GRM3: variants seen among roughly 807,000 people sequenced by gnomAD.
GRM3 encodes the protein glutamate metabotropic receptor 3, also known as metabotropic glutamate receptor 3.
GRM3 carries 26 observed loss-of-function variants against 70.5 expected under a neutral mutation model. The ratio of observed to expected loss-of-function variants is 0.37; its 90% confidence interval spans 0.27 to 0.51. GRM3 has a LOEUF of 0.51. Ranked by LOEUF, GRM3 falls within the 20% of genes least tolerant of loss-of-function variation. The probability of loss-of-function intolerance (pLI) is 0.93; values close to 1 mark genes in which losing one functional copy is unlikely to be tolerated. For synonymous variants in GRM3, 443 were observed against 434.9 expected (o/e 1.02, Z -0.23); for missense variants, 859 against 1,123.8 (o/e 0.76, Z 3.37).
intron 2 of GRM3, among the ~76,000 whole-genome samples, chr7:86,781,478 C>G (rs1373898734): frequency 6.6e-6 from 1 of 152,026 alleles, no homozygotes; most frequent in African/African-American, 2.4e-5. Flanking sequence ...CTTTCTTCAC[C>G]TGTGTAATTT....
intron 1 of GRM3, among the ~76,000 whole-genome samples, chr7:86,680,153 T>C (rs567367905): frequency 1.3e-5 from 2 of 152,202 alleles, no homozygotes; most frequent in East Asian, 1.9e-4. Context: ...CATGAGGTTC[T>C]AGAAATGAGC....
chr7:86,815,185 G>A (rs144054801), intron 3 of GRM3, among the ~76,000 whole-genome samples: 1 of 151,832 alleles, frequency 6.6e-6, no homozygotes, highest in Non-Finnish European at 1.5e-5. Context: ...AACAATTTGC[G>A]TCAAATGCAC....
intron 2 of GRM3, chr7:86,775,033 A>G (rs762330127): frequency 6.6e-6 from 1 of 152,172 alleles, no homozygotes; most frequent in Non-Finnish European, 1.5e-5. Context: ...TTGATCTAAA[A>G]TTAAATTAAA....
At chr7:86,744,473 C>T (rs940502616) in intron 1 of GRM3, among the ~76,000 whole-genome samples, 1 of 151,784 alleles carries the variant, frequency 6.6e-6, no homozygotes, top group Non-Finnish European at 1.5e-5. Context: ...CAAGACTAGG[C>T]CCCACCAAGA....
At chr7:86,706,053 T>G (rs1795050466) in intron 1 of GRM3, among the ~76,000 whole-genome samples, 1 of 111,652 alleles carries the variant, frequency 9.0e-6, no homozygotes, top group Admixed American at 8.3e-5. Context: ...ATCCATAGAC[T>G]ATTTGAATAG....
chr7:86,681,744 A>G (rs1266473820), intron 1 of GRM3, among the ~76,000 whole-genome samples: 1 of 152,142 alleles, frequency 6.6e-6, no homozygotes, highest in Non-Finnish European at 1.5e-5. Context: ...TCATACTCTT[A>G]TATTTCATCT....
intron 1 of GRM3, among the ~76,000 whole-genome samples, chr7:86,671,506 A>G (rs762762832): frequency 9.2e-5 from 14 of 152,162 alleles, no homozygotes; most frequent in South Asian, 2.1e-4. Context: ...TAAAATGCAT[A>G]TGTATTCCCA....
intron 1 of GRM3, among the ~76,000 whole-genome samples, chr7:86,746,374 T>TATATATATATATATATAA (rs71524681): frequency 1.5e-5 from 2 of 132,978 alleles, no homozygotes; most frequent in African/African-American, 5.5e-5. Context: ...TATATATATA[T>TATATATATATATATATAA]AATCACTTCA....
intron 1 of GRM3, among the ~76,000 whole-genome samples, chr7:86,707,980 C>G (rs1308887613): frequency 6.6e-6 from 1 of 152,068 alleles, no homozygotes; most frequent in Non-Finnish European, 1.5e-5. Context: ...AAATGAGAAG[C>G]GTGAATTACA....
intron 3 of GRM3, among the ~76,000 whole-genome samples, chr7:86,799,643 T>C (rs374087964): frequency 2.7e-4 from 41 of 152,102 alleles, no homozygotes; most frequent in South Asian, 2.3e-3. Context: ...TCTCCTGCCC[T>C]AGCCTCCCGA....
chr7:86,827,691 T>C (rs953952390), intron 3 of GRM3, among the ~76,000 whole-genome samples: 1 of 152,108 alleles, frequency 6.6e-6, no homozygotes, highest in Admixed American at 6.5e-5. Context: ...TTTTAGTATT[T>C]TTAGTAGAGA....
intron 2 of GRM3, among the ~76,000 whole-genome samples, chr7:86,783,736 A>C (rs185238223): frequency 1.6e-4 from 24 of 152,304 alleles, no homozygotes; most frequent in Admixed American, 1.0e-3. Context: ...ACTAATTTTA[A>C]AAGGAGCAGC....
chr7:86,797,719 G>C (rs1174376758), intron 3 of GRM3, among the ~76,000 whole-genome samples: 1 of 152,182 alleles, frequency 6.6e-6, no homozygotes, highest in Non-Finnish European at 1.5e-5. Flanking sequence ...AATGTTAATT[G>C]CTAAGACAAT....
chr7:86,854,422 G>C (rs1314554183), intron 5 of GRM3, among the ~76,000 whole-genome samples: 1 of 152,100 alleles, frequency 6.6e-6, no homozygotes, highest in African/African-American at 2.4e-5. Flanking sequence ...ATGAAAGAAT[G>C]AACATGGTTA....
At chr7:86,649,546 T>G (rs951739815) in intron 1 of GRM3, among the ~76,000 whole-genome samples, 1 of 152,128 alleles carries the variant, frequency 6.6e-6, no homozygotes, top group African/African-American at 2.4e-5. Flanking sequence ...CTTTAATTTC[T>G]TATCAGAATT....
intron 1 of GRM3, among the ~76,000 whole-genome samples, chr7:86,650,680 T>G (rs1451402207): frequency 6.6e-6 from 1 of 152,186 alleles, no homozygotes; most frequent in Non-Finnish European, 1.5e-5. Flanking sequence ...GGTCTGAAAG[T>G]GTGAGGAAAA....
chr7:86,662,772 T>G (rs1422135908), intron 1 of GRM3, among the ~76,000 whole-genome samples: 1 of 151,996 alleles, frequency 6.6e-6, no homozygotes, highest in Non-Finnish European at 1.5e-5. Flanking sequence ...TAGTAATTTG[T>G]CCAAACATGT....
chr7:86,727,961 C>A (rs940695623), intron 1 of GRM3, among the ~76,000 whole-genome samples: 2 of 152,040 alleles, frequency 1.3e-5, no homozygotes, highest in Non-Finnish European at 2.9e-5. Flanking sequence ...ATTATCTGAC[C>A]CATTACAGAA....
intron 1 of GRM3, among the ~76,000 whole-genome samples, chr7:86,756,064 T>C (rs983926337): frequency 6.6e-6 from 1 of 152,082 alleles, no homozygotes; most frequent in African/African-American, 2.4e-5. Flanking sequence ...CCTGTAGCAT[T>C]TCTTTGTTTG....
Sources: allele counts gnomAD v4.1 joint callset (sites outside exome capture counted in the v4.1 genomes callset), GRCh38; gene constraint gnomAD v4.1.1; transcripts MANE v1.5; gene names NCBI Gene and HGNC (gene_info 2026-07-23, HGNC 2026-07-21).